The following ZFP82 variants were observed in gnomAD, a reference collection of about 807,000 sequenced individuals.
The protein encoded by ZFP82 is ZFP82 zinc finger protein, also known as zinc finger protein 82 homolog.
ZFP82 carries 30 observed loss-of-function variants against 54.0 expected under a neutral mutation model. That is an observed-to-expected ratio of 0.56 (90% CI 0.42 to 0.75). The LOEUF (loss-of-function observed/expected upper bound fraction) is 0.75. ZFP82 is among the 30% of genes least tolerant of loss of function. The pLI, the probability that ZFP82 is intolerant of heterozygous loss-of-function variation, is 0.00. For missense variants in ZFP82, 500 were observed against 636.8 expected (o/e 0.79, Z 2.31); for synonymous variants, 194 against 209.5 (o/e 0.93, Z 0.64).
intron 4 of ZFP82, among the ~76,000 whole-genome samples, chr19:36,400,902 T>A (rs2385804): frequency 6.6e-6 from 1 of 151,906 alleles, no homozygotes; most frequent in Non-Finnish European, 1.5e-5. Flanking sequence ...TCACTCCACT[T>A]GGGCTTTCAT....
intron 1 of ZFP82, among the ~76,000 whole-genome samples, chr19:36,415,246 A>G (rs1194468227): frequency 6.6e-6 from 1 of 152,172 alleles, no homozygotes; most frequent in Non-Finnish European, 1.5e-5. Flanking sequence ...AAAAGCAAAC[A>G]TTAGAATAGT....
intron 4 of ZFP82, among the ~76,000 whole-genome samples, chr19:36,402,488 G>A (rs1236018329): frequency 0.019 from 1,084 of 56,662 alleles, 5 homozygotes; most frequent in Non-Finnish European, 0.024. Flanking sequence ...AAAAAAAAAA[G>A]ATTAGGGATA....
chr19:36,395,082 C>A (rs1304096062), intron 4 of ZFP82: 3 of 152,214 alleles, frequency 2.0e-5, no homozygotes, highest in African/African-American at 4.8e-5. Flanking sequence ...TCATCCAGGG[C>A]AGCCCAGCTA....
chr19:36,390,764 G>GTTTTGTT lies in ZFP82; in HGVS notation c.*1970_*1976dup, dbSNP rs1048847832. On this transcript the variant is annotated 3_prime_UTR_variant, in exon 5 of 5. Coordinates refer to ENST00000392161, the MANE Select transcript of ZFP82 (RefSeq NM_133466.4). Reference sequence around the variant, plus strand: ...CTATCATTCATTTGATCTTTGTTTTGTTTTGTTTTTTGTTTTTTGTTTGAG... The same window carrying GTTTTGTT: ...CTATCATTCATTTGATCTTTGTTTTGTTTTGTTTTTTGTTTTTTGTTTTTTGTTTGAG... The GTTTTGTT allele has an allele frequency of 7.2e-6, 1 of 139,170 alleles. No homozygotes were observed. The highest frequency in any genetic ancestry group is 2.5e-5 in the African/African-American group (1 of 40,154). The allele number at this position is 139,170 out of a possible 1,614,324, so 8.6% of individuals were successfully genotyped here.
At chr19:36,407,318 C>T (rs925966027) in intron 3 of ZFP82, among the ~76,000 whole-genome samples, 4 of 151,764 alleles carry the variant, frequency 2.6e-5, no homozygotes, top group African/African-American at 4.8e-5. Flanking sequence ...CCTCGTGATC[C>T]GCCCGCCTCG....
At chr19:36,404,295 GCTTCCA>G (rs1403735698) in intron 4 of ZFP82, among the ~76,000 whole-genome samples, 1 of 152,136 alleles carries the variant, frequency 6.6e-6, no homozygotes. Context: ...TGACCCATTT[GCTTCCA>G]ATCCCTTTCA....
At position 36,393,004 on chromosome 19, in the gene ZFP82, C is replaced by T; in HGVS notation, c.1336G>A (p.Gly446Ser). The stretch of plus-strand genomic sequence containing the variant: ...TCCTTACATTTATAAGGTTTCTCAC[C>T]AATATGAATACTCTGATGCTGTGTG... ...QLTQHQSIHI[G>S]EKPYKCKECG... Residue 446 changes from glycine to serine, a missense_variant, in exon 5 of 5, where the codon GGT becomes AGT. By Grantham distance (56) the Gly-to-Ser change is moderately conservative. Coordinates refer to ENST00000392161, the MANE Select transcript of ZFP82 (RefSeq NM_133466.4). 1 of 1,614,140 alleles carries T rather than the reference C, an allele frequency of 6.2e-7. No individual in the cohort carries two copies. The highest frequency in any genetic ancestry group is 8.5e-7 in the Non-Finnish European group (1 of 1,180,028).
chr19:36,414,112 A>G (rs1407980466), intron 1 of ZFP82, among the ~76,000 whole-genome samples: 17 of 151,824 alleles, frequency 1.1e-4, no homozygotes, highest in East Asian at 7.8e-4. Context: ...ATGTTAGCCA[A>G]CATAGTCTCG....
chr19:36,417,072 C>CAAAAAAAA (rs140495874), intron 1 of ZFP82, among the ~76,000 whole-genome samples: 2 of 65,646 alleles, frequency 3.0e-5, no homozygotes. Flanking sequence ...GACCCTGTCT[C>CAAAAAAAA]AAAAAAAAAA....
chr19:36,409,726 A>C, intron 2 of ZFP82, 55 bp downstream of exon 2: 1 of 1,597,570 alleles, frequency 6.3e-7, no homozygotes, highest in Non-Finnish European at 8.6e-7. Flanking sequence ...CAGAATAAAA[A>C]AATGGTCACA....
At position 36,418,505 on chromosome 19, in the gene ZFP82, C is replaced by G. The variant is rs1037136587; in HGVS notation, c.-92G>C. On this transcript the variant is annotated 5_prime_UTR_variant, in exon 1 of 5. Coordinates refer to ENST00000392161, the MANE Select transcript of ZFP82 (RefSeq NM_133466.4). ...GGCCCCGCTTACCTCTCTTTACCCC[C>G]TGGGCCGCAGCGCTTTTCCTACAGA... is the stretch of plus-strand genomic sequence containing the variant. 2 of 152,294 alleles carry G rather than the reference C, an allele frequency of 1.3e-5. No homozygotes were observed. The highest frequency in any genetic ancestry group is 2.9e-5 in the Non-Finnish European group (2 of 68,132). 9.4% of individuals were successfully genotyped at this position (152,294 alleles called of 1,614,324 possible).
intron 1 of ZFP82, among the ~76,000 whole-genome samples, chr19:36,415,456 C>T (rs1053687287): frequency 3.7e-4 from 56 of 152,116 alleles, no homozygotes; most frequent in African/African-American, 1.3e-3. Flanking sequence ...GGCAGGATCT[C>T]GGCTCACTGC....
chr19:36,412,102 G>A (rs1041271125), intron 1 of ZFP82, among the ~76,000 whole-genome samples: 9 of 152,190 alleles, frequency 5.9e-5, no homozygotes, highest in East Asian at 1.9e-4. Context: ...GAGAGTGTGC[G>A]TGTGTATTAA....
At chr19:36,386,357 A>C (rs1220877152), downstream of ZFP82, among the ~76,000 whole-genome samples, 3 of 152,200 alleles carry the variant, frequency 2.0e-5, no homozygotes, top group African/African-American at 7.2e-5. Flanking sequence ...GGCTTCCTTC[A>C]CTTAGATTTC....
At chr19:36,405,250 T>C (rs1273704071) in intron 4 of ZFP82, among the ~76,000 whole-genome samples, 1 of 149,312 alleles carries the variant, frequency 6.7e-6, no homozygotes, top group African/African-American at 2.5e-5. Flanking sequence ...ACAATGGTTG[T>C]CAACAGTGAG....
chr19:36,392,668 C>T lies in ZFP82; in HGVS notation c.*73G>A. The T allele has an allele frequency of 7.4e-7, 1 of 1,344,448 alleles. No homozygotes were observed. Among genetic ancestry groups the T allele is most frequent in the Non-Finnish European group, 9.9e-7 (1 of 1,009,806 alleles). The allele number at this position is 1,344,448 out of a possible 1,614,324, so 83.3% of individuals were successfully genotyped here. Reference sequence around the variant, plus strand: ...AAAACCTCTAATGCCAACGCAGTTGCATGTATGGAGCAAAATAGATTAATT... The same window carrying T: ...AAAACCTCTAATGCCAACGCAGTTGTATGTATGGAGCAAAATAGATTAATT... On this transcript the variant is annotated 3_prime_UTR_variant, in exon 5 of 5. Coordinates refer to ENST00000392161, the MANE Select transcript of ZFP82 (RefSeq NM_133466.4).
At chr19:36,408,266 G>C (rs1045942074) in intron 2 of ZFP82, among the ~76,000 whole-genome samples, 1 of 151,432 alleles carries the variant, frequency 6.6e-6, no homozygotes, top group Non-Finnish European at 1.5e-5. Context: ...GATACTCCTG[G>C]GAAAGAAAAA....
At chr19:36,386,602 TA>T (rs1471496224), downstream of ZFP82, among the ~76,000 whole-genome samples, 16 of 152,164 alleles carry the variant, frequency 1.1e-4, no homozygotes. Context: ...TGTGTCCAAG[TA>T]GGTCATAGAG....
In ZFP82 at chr19:36,393,838, T is replaced by G. The variant is rs1235976682; in HGVS notation, c.502A>C (p.Lys168Gln). Residue 168 changes from lysine to glutamine, a missense_variant, in exon 5 of 5, where the codon AAA becomes CAA. Coordinates refer to ENST00000392161, the MANE Select transcript of ZFP82 (RefSeq NM_133466.4). ...CCACATTCCTTACATTCATAGGGTT[T>G]ATCAACAAAATGAAGTCTCTGATGT... ...TPHQRLHFVDKPYECKECGKA... is the reference protein window; with the variant it reads ...TPHQRLHFVDQPYECKECGKA... 6.2e-7 allele frequency: 1 copy of G among 1,614,206 alleles called. No homozygotes were observed. Among genetic ancestry groups the G allele is most frequent in the Admixed American group, 1.7e-5 (1 of 60,022 alleles).
Sources: gnomAD v4.1 joint callset for allele counts (sites outside exome capture counted in the v4.1 genomes callset) on GRCh38, gnomAD v4.1.1 for gene constraint, MANE v1.5 for transcripts, NCBI Gene and HGNC (gene_info 2026-07-23, HGNC 2026-07-21) for gene names.